Variants in KCNN3 observed in about 807,000 individuals in gnomAD.
KCNN3 encodes potassium calcium-activated channel subfamily N member 3.
In KCNN3, 16 loss-of-function variants were observed where a neutral mutation model predicts 62.9. The observed-to-expected ratio is 0.25, with a 90% confidence interval of 0.17 to 0.39. The LOEUF (loss-of-function observed/expected upper bound fraction) is 0.39. Among genes scored for constraint, KCNN3 ranks in the 10% least tolerant of loss-of-function variants. The probability of loss-of-function intolerance (pLI) is 1.00; values close to 1 mark genes in which losing one functional copy is unlikely to be tolerated. For missense variants in KCNN3, 599 were observed against 949.4 expected, an observed-to-expected ratio of 0.63 and a Z score of 4.85; for synonymous variants, 370 against 389.2, an observed-to-expected ratio of 0.95 and a Z score of 0.58.
At chr1:154,710,293 C>T (rs1201768737) in intron 7 of KCNN3, among the ~76,000 whole-genome samples, 1 of 152,146 alleles carries the variant, frequency 6.6e-6, no homozygotes, top group Non-Finnish European at 1.5e-5. Flanking sequence ...ATTGTCTCCC[C>T]CTGTTCCGTT....
At chr1:154,844,853 A>G (rs1375862570) in intron 1 of KCNN3, among the ~76,000 whole-genome samples, 1 of 152,090 alleles carries the variant, frequency 6.6e-6, no homozygotes, top group East Asian at 1.9e-4. Context: ...TAAAAACACA[A>G]AAATTAGCTG....
chr1:154,809,154 CACA>C lies in KCNN3; in HGVS notation c.1029+12932_1029+12934del, dbSNP rs1650300661. The stretch of plus-strand genomic sequence containing the variant: ...GCCATGCCTCAGCACTCTCCTGTGA[CACA>C]ACGTGATCTCACCGAGTGACCAGGT... On this transcript the variant is annotated intron_variant, in intron 2 of 7. Coordinates refer to ENST00000271915, the MANE Select transcript of KCNN3 (RefSeq NM_002249.6). This position sits in a 1 kb window ranked among gnomAD's most constrained non-coding sequence, Gnocchi z 4.3. Among the ~76,000 whole-genome samples the C allele has an allele frequency of 6.6e-6, 1 of 152,226 alleles. No homozygotes were observed. Among genetic ancestry groups the C allele is most frequent in the Non-Finnish European group, 1.5e-5 (1 of 68,048 alleles).
At chr1:154,833,361 G>C (rs2101904242) in intron 1 of KCNN3, among the ~76,000 whole-genome samples, 1 of 152,320 alleles carries the variant, frequency 6.6e-6, no homozygotes, top group African/African-American at 2.4e-5. Context: ...TCTGGAGGCT[G>C]TTCTGGAGTT....
intron 4 of KCNN3, among the ~76,000 whole-genome samples, chr1:154,726,480 C>T (rs539332452): frequency 6.6e-6 from 1 of 152,330 alleles, no homozygotes; most frequent in South Asian, 2.1e-4. Flanking sequence ...GGTAGGCCAT[C>T]AGCTGGGGTG....
At chr1:154,761,897 G>A (rs1648032794) in intron 3 of KCNN3, among the ~76,000 whole-genome samples, 2 of 152,222 alleles carry the variant, frequency 1.3e-5, no homozygotes, top group South Asian at 2.1e-4. Flanking sequence ...CCGAGATGGC[G>A]CCACTGCACT....
At chr1:154,859,646 A>G (rs1286296200) in intron 1 of KCNN3, 1 of 1,580,968 alleles carries the variant, frequency 6.3e-7, no homozygotes, top group South Asian at 1.1e-5. Flanking sequence ...GCAACAGGTC[A>G]TCTGCTTCCT....
Position 154,869,689 on chromosome 1 carries a change from C to T in KCNN3, c.276G>A (p.Gln92=), listed in dbSNP as rs1358893571. 2 of 1,590,418 alleles carry T rather than the reference C, an allele frequency of 1.3e-6. No homozygotes were observed. The highest frequency in any genetic ancestry group is 2.3e-5 in the East Asian group (1 of 43,780). The change falls in exon 1 of 8, where the codon CAG becomes CAA. Residue 92 remains glutamine (Q), a synonymous_variant. Transcript: ENST00000271915. The surrounding 1 kb of genome is among the most constrained non-coding windows in gnomAD (Gnocchi z 6.1). ...GCAGGCCAGGGTGGACGGGCTGGCT[C>T]TGGAGTTGGGCGAGCTGAGACAGGG... The part of the protein sequence containing the change: ...PHPLSQLAQL[Q]SQPVHPGLLH...
chr1:154,708,669 T>C (rs1399891286), intron 7 of KCNN3, among the ~76,000 whole-genome samples: 2 of 151,542 alleles, frequency 1.3e-5, no homozygotes, highest in Admixed American at 6.6e-5. Flanking sequence ...GTGCAGTGGG[T>C]GTATAATTAG....
intron 1 of KCNN3, among the ~76,000 whole-genome samples, chr1:154,866,816 T>G (rs920577935): frequency 2.6e-5 from 4 of 152,146 alleles, no homozygotes; most frequent in Admixed American, 2.6e-4. Context: ...GCACCTCAGG[T>G]GGCCTCCCCT....
chr1:154,699,866 T>C lies in KCNN3; in HGVS notation c.*8110A>G, dbSNP rs1334287602. On this transcript the variant is annotated 3_prime_UTR_variant, in exon 8 of 8. Transcript: ENST00000271915. The stretch of plus-strand genomic sequence containing the variant: ...CCTGAGGTTCCACCTGATATTCTGA[T>C]GGCTTTGCTAGTCTGGTCTAAAAAA... The C allele has an allele frequency of 1.3e-5, 2 of 151,384 alleles. No individual in the cohort carries two copies. Among genetic ancestry groups the C allele is most frequent in the African/African-American group, 4.8e-5 (2 of 41,322 alleles). 9.4% of individuals were successfully genotyped at this position (151,384 alleles called of 1,614,324 possible). A position where few individuals can be genotyped will look rare whatever the true frequency, so the allele number is the denominator to read the frequency against.
In KCNN3 at chr1:154,809,496, C is replaced by T. The variant is rs1650312526; in HGVS notation, c.1029+12593G>A. 6.6e-6 allele frequency among the ~76,000 whole-genome samples: 1 copy of T among 152,210 alleles called. No individual in the cohort carries two copies. Among genetic ancestry groups the T allele is most frequent in the Non-Finnish European group, 1.5e-5 (1 of 68,038 alleles). On this transcript the variant is annotated intron_variant, in intron 2 of 7. Coordinates refer to ENST00000271915, the MANE Select transcript of KCNN3 (RefSeq NM_002249.6). This position sits in a 1 kb window ranked among gnomAD's most constrained non-coding sequence, Gnocchi z 4.3. The stretch of plus-strand genomic sequence containing the variant: ...GCAAATCCTTGAAGTTTCTTCTTTA[C>T]TTCTCCTGTCTTTAGTCCAACCAAA...
rs144700216 is a variant in KCNN3 at position 154,866,219 on chromosome 1, C to T, written c.933+2813G>A. On this transcript the variant is annotated intron_variant, in intron 1 of 7. Transcript: ENST00000271915. ...CCCTCCCAGATACAACTTCTCACTC[C>T]GTTGACAAGTCTTAGATCCCAATCT... 5.8e-3 allele frequency among the ~76,000 whole-genome samples: 881 copies of T among 152,266 alleles called. 4 individuals carry two copies. Among genetic ancestry groups the T allele is most frequent in the African/African-American group, 0.019 (787 of 41,544 alleles).
At chr1:154,774,282 A>G (rs892753214) in intron 2 of KCNN3, among the ~76,000 whole-genome samples, 1 of 152,182 alleles carries the variant, frequency 6.6e-6, no homozygotes, top group African/African-American at 2.4e-5. Context: ...TTTCACGAAG[A>G]TGCTTCCTGC....
intron 2 of KCNN3, among the ~76,000 whole-genome samples, chr1:154,814,903 T>C (rs1215550267): frequency 6.6e-6 from 1 of 152,224 alleles, no homozygotes; most frequent in Non-Finnish European, 1.5e-5. Flanking sequence ...CCAGTCGCTG[T>C]TCTCTGGAAC....
At chr1:154,724,859 CTT>C (rs11362418) in intron 5 of KCNN3, among the ~76,000 whole-genome samples, 31 of 138,354 alleles carry the variant, frequency 2.2e-4, no homozygotes, top group African/African-American at 3.2e-4. Context: ...TAGAATGATT[CTT>C]TTTTTTTTTT....
At chr1:154,712,719 G>A (rs368275042) in intron 7 of KCNN3, among the ~76,000 whole-genome samples, 1 of 152,152 alleles carries the variant, frequency 6.6e-6, no homozygotes, top group Non-Finnish European at 1.5e-5. Flanking sequence ...GGGCTGAGGA[G>A]GGGGAGGCCC....
At chr1:154,751,572 C>T (rs376679566) in intron 3 of KCNN3, among the ~76,000 whole-genome samples, 3 of 152,156 alleles carry the variant, frequency 2.0e-5, no homozygotes, top group African/African-American at 4.8e-5. Context: ...ACCTGGGGTG[C>T]CTGAAATGGG....
At chr1:154,710,431 C>T (rs1700051033) in intron 7 of KCNN3, among the ~76,000 whole-genome samples, 1 of 152,210 alleles carries the variant, frequency 6.6e-6, no homozygotes, top group African/African-American at 2.4e-5. Flanking sequence ...TCATCTCCTC[C>T]CCAGATCTCC....
chr1:154,711,999 A>C (rs1200078761), intron 7 of KCNN3, among the ~76,000 whole-genome samples: 3 of 151,120 alleles, frequency 2.0e-5, no homozygotes, highest in Non-Finnish European at 1.5e-5. Context: ...AGAGGAAGAG[A>C]GACAGGGAGA....
Sources: gnomAD v4.1 joint callset for allele counts (sites outside exome capture counted in the v4.1 genomes callset) on GRCh38, gnomAD v4.1.1 for gene constraint, Gnocchi (gnomAD v3.1) non-coding constraint, MANE v1.5 for transcripts, NCBI Gene and HGNC (gene_info 2026-07-23, HGNC 2026-07-21) for gene names.